The following TGFBR1 variants were observed in gnomAD, a reference collection of about 807,000 sequenced individuals.
The protein encoded by TGFBR1 is TGF-beta receptor type-1.
TGFBR1 carries 20 observed loss-of-function variants against 55.1 expected under a neutral mutation model. The observed-to-expected ratio is 0.36, with a 90% confidence interval of 0.26 to 0.53. The LOEUF is 0.53. Ranked by LOEUF, TGFBR1 falls within the 20% of genes least tolerant of loss-of-function variation. The pLI is 0.91. For missense variants in TGFBR1, 385 were observed against 617.6 expected, an observed-to-expected ratio of 0.62 and a Z score of 3.99; for synonymous variants, 220 against 214.8, an observed-to-expected ratio of 1.02 and a Z score of -0.21.
In TGFBR1 at chr9:99,132,611, A is replaced by G. The variant is rs768500160; in HGVS notation, c.446A>G (p.His149Arg). Residue 149 changes from histidine (H) to arginine (R), a missense_variant, in exon 3 of 9, where the codon CAC becomes CGC. His to Arg is a conservative substitution (Grantham distance 29). Transcript: ENST00000374994. ...ISLMLMVYIC[H>R]NRTVIHHRVP... ...CTCATGTTGATGGTCTATATCTGCC[A>G]CAACCGCACTGTCATTCACCATCGA... 1.2e-6 allele frequency: 2 copies of G among 1,614,188 alleles called. No individual in the cohort carries two copies. The highest frequency in any genetic ancestry group is 2.2e-5 in the South Asian group (2 of 91,086).
intron 1 of TGFBR1, among the ~76,000 whole-genome samples, chr9:99,110,828 G>A (rs530493455): frequency 6.6e-6 from 1 of 152,316 alleles, no homozygotes; most frequent in South Asian, 2.1e-4. Flanking sequence ...CTGAAGTTAT[G>A]CTGTTAATGA....
chr9:99,121,187 ATAT>A (rs1826888163), intron 1 of TGFBR1, among the ~76,000 whole-genome samples: 1 of 152,174 alleles, frequency 6.6e-6, no homozygotes, highest in African/African-American at 2.4e-5. Context: ...CAGGGGTGAA[ATAT>A]TATCTGGACT....
chr9:99,107,833 G>C (rs1179711721), intron 1 of TGFBR1, among the ~76,000 whole-genome samples: 1 of 152,146 alleles, frequency 6.6e-6, no homozygotes, highest in East Asian at 1.9e-4. Flanking sequence ...ACTCCTGACT[G>C]TTCAGCCTTT....
Position 99,152,475 on chromosome 9 carries a change from G to C in TGFBR1, c.*3170G>C, listed in dbSNP as rs1446356002. On this transcript the variant is annotated 3_prime_UTR_variant, in exon 9 of 9. Transcript: ENST00000374994. ...AGTGCCATGGCCATCAAGAATCCCA[G>C]ATTTCAGGTTTTATTACAAAATGTA... is the stretch of plus-strand genomic sequence containing the variant. 4.3e-6 allele frequency: 1 copy of C among 230,300 alleles called. No homozygotes were observed. The highest frequency in any genetic ancestry group is 8.6e-6 in the Non-Finnish European group (1 of 115,914). 14.3% of individuals were successfully genotyped at this position (230,300 alleles called of 1,614,324 possible). A position where few individuals can be genotyped will look rare whatever the true frequency, so the allele number is the denominator to read the frequency against.
chr9:99,127,841 T>C, intron 1 of TGFBR1: 4 of 431,164 alleles, frequency 9.3e-6, no homozygotes, highest in South Asian at 6.6e-5. Context: ...GGTGAAATTA[T>C]GCACACATTC....
In TGFBR1 at chr9:99,138,001, A is replaced by C. The variant is rs2118717266; in HGVS notation, c.717A>C (p.Glu239Asp). The part of the protein sequence containing the change: ...VAVKIFSSRE[E>D]RSWFREAEIY... ...TTAAGATATTCTCCTCTAGAGAAGAACGTTCGTGGTTCCGTGAGGCAGAGA... is the reference window on the plus strand; with the variant it reads ...TTAAGATATTCTCCTCTAGAGAAGACCGTTCGTGGTTCCGTGAGGCAGAGA... The change falls in exon 4 of 9, where the codon GAA (glutamate) becomes GAC (aspartate). Residue 239 changes from glutamate (E) to aspartate (D), a missense_variant. This residue lies in a region of TGFBR1 where 85 missense variants were observed against 228.4 expected (regional missense o/e 0.37). Transcript: ENST00000374994. The C allele has an allele frequency of 6.2e-7, 1 of 1,614,116 alleles. No individual in the cohort carries two copies. The highest frequency in any genetic ancestry group is 1.7e-4 in the Middle Eastern group (1 of 6,060).
chr9:99,149,035 T>A, intron 8 of TGFBR1, 145 bp from the exon 9 acceptor site: 1 of 853,960 alleles, frequency 1.2e-6, no homozygotes, highest in Non-Finnish European at 1.8e-6. Context: ...TTTATGTAAT[T>A]TCTACTCATT....
intron 5 of TGFBR1, among the ~76,000 whole-genome samples, chr9:99,143,892 A>G (rs1425806401): frequency 6.6e-6 from 1 of 152,256 alleles, no homozygotes; most frequent in Non-Finnish European, 1.5e-5. Flanking sequence ...TATATAAATG[A>G]ATCATACAAT....
At chr9:99,136,713 C>G (rs1265221975) in intron 3 of TGFBR1, among the ~76,000 whole-genome samples, 2 of 151,978 alleles carry the variant, frequency 1.3e-5, no homozygotes, top group Non-Finnish European at 2.9e-5. Context: ...AGAAGAAGAG[C>G]TTCTGATCGC....
intron 4 of TGFBR1, 98 bp downstream of exon 4, chr9:99,138,187 A>T: frequency 9.5e-7 from 1 of 1,047,232 alleles, no homozygotes. Context: ...GATGAGACAT[A>T]GATGTCTCTC....
chr9:99,141,489 G>A (rs1163661586), intron 4 of TGFBR1, among the ~76,000 whole-genome samples: 2 of 152,068 alleles, frequency 1.3e-5, no homozygotes, highest in African/African-American at 4.8e-5. Context: ...CACAGTTTAT[G>A]TACTTCTTAC....
Position 99,129,012 on chromosome 9 carries a change from A to T in TGFBR1, c.255A>T (p.Val85=), listed in dbSNP as rs2118570145. 1 of 1,613,996 alleles carries T rather than the reference A, an allele frequency of 6.2e-7. No homozygotes were observed. Among genetic ancestry groups the T allele is most frequent in the Non-Finnish European group, 8.5e-7 (1 of 1,179,946 alleles). Residue 85 remains valine (V), a synonymous_variant, in exon 2 of 9, where the codon GTA becomes GTT. Coordinates refer to ENST00000374994, the MANE Select transcript of TGFBR1 (RefSeq NM_004612.4). ...TAATTCCTCGAGATAGGCCGTTTGT[A>T]TGTGCACCCTCTTCAAAAACTGGGT... ...IDLIPRDRPF[V]CAPSSKTGSV... is the part of the protein sequence containing the mutation.
Position 99,127,128 on chromosome 9 carries a change from T to A in TGFBR1, c.98-1727T>A, listed in dbSNP as rs1827064282. ...AGTGTATTACAGCAAAACCATACAG[T>A]TAACATCAGCAAAAGCAAAAGGCAC... On this transcript the variant is annotated intron_variant, in intron 1 of 8. Coordinates refer to ENST00000374994, the MANE Select transcript of TGFBR1 (RefSeq NM_004612.4). Among the ~76,000 whole-genome samples the A allele has an allele frequency of 2.0e-5, 3 of 152,098 alleles. No homozygotes were observed. In the South Asian group the frequency reaches 6.2e-4, roughly 32 times the overall value.
intron 5 of TGFBR1, among the ~76,000 whole-genome samples, chr9:99,143,023 C>G (rs1827672293): frequency 6.6e-6 from 1 of 152,012 alleles, no homozygotes; most frequent in Non-Finnish European, 1.5e-5. Flanking sequence ...CATGCCACTG[C>G]ACTCCCAGCT....
chr9:99,111,295 CTTTTTTTT>C (rs3034196), intron 1 of TGFBR1, among the ~76,000 whole-genome samples: 13,991 of 53,918 alleles, frequency 0.26, 567 homozygotes, highest in East Asian at 0.39. Flanking sequence ...TGCACCCATG[CTTTTTTTT>C]TTTTTTTTTT....
In TGFBR1 at chr9:99,152,146, G is replaced by A. The variant is rs201591510; in HGVS notation, c.*2841G>A. The A allele has an allele frequency of 1.1e-4, 22 of 207,330 alleles. No individual in the cohort carries two copies. The highest frequency in any genetic ancestry group is 2.2e-4 in the Non-Finnish European group (22 of 101,674). The allele number at this position is 207,330 out of a possible 1,614,324, so 12.8% of individuals were successfully genotyped here. On this transcript the variant is annotated 3_prime_UTR_variant, in exon 9 of 9. Coordinates refer to ENST00000374994, the MANE Select transcript of TGFBR1 (RefSeq NM_004612.4). Reference sequence around the variant, plus strand: ...CCGTTTGACTGAAGGCTGCTCTGGAGACCTAGAGTAAAACGGCTGATGGAA... The same window carrying A: ...CCGTTTGACTGAAGGCTGCTCTGGAAACCTAGAGTAAAACGGCTGATGGAA...
At chr9:99,121,710 G>A (rs1826903733) in intron 1 of TGFBR1, among the ~76,000 whole-genome samples, 1 of 152,086 alleles carries the variant, frequency 6.6e-6, no homozygotes. Flanking sequence ...TTACTTGCCT[G>A]TTGGTACATG....
intron 6 of TGFBR1, 76 bp downstream of exon 6, chr9:99,144,964 T>C (rs1827746413): frequency 2.0e-6 from 3 of 1,516,154 alleles, no homozygotes; most frequent in African/African-American, 1.4e-5. Context: ...ATACATATCA[T>C]TGCTGAAACT....
chr9:99,106,811 T>C (rs1320904388), intron 1 of TGFBR1, among the ~76,000 whole-genome samples: 2 of 152,254 alleles, frequency 1.3e-5, no homozygotes, highest in Non-Finnish European at 2.9e-5. Flanking sequence ...TCTGTCCTCA[T>C]GATTTGAGTA....
Sources: allele counts gnomAD v4.1 joint callset (sites outside exome capture counted in the v4.1 genomes callset), GRCh38; gene constraint gnomAD v4.1.1; regional missense constraint gnomAD v4.1.1; transcripts MANE v1.5; gene names NCBI Gene and HGNC (gene_info 2026-07-23, HGNC 2026-07-21).